The following DMD variants were observed in gnomAD, a reference collection of about 807,000 sequenced individuals.
DMD encodes the protein mutant dystrophin.
A neutral mutation model predicts 330.1 loss-of-function variants in DMD; 63 were observed. That is an observed-to-expected ratio of 0.19 (90% CI 0.16 to 0.24). The LOEUF (loss-of-function observed/expected upper bound fraction) is 0.24, where lower values mean the gene tolerates loss of function less well. Among genes scored for constraint, DMD ranks in the 10% least tolerant of loss-of-function variants. The probability of loss-of-function intolerance (pLI) is 1.00; values close to 1 mark genes in which losing one functional copy is unlikely to be tolerated. For synonymous variants in DMD, 1,223 were observed against 959.8 expected (o/e 1.27, Z -5.07); for missense variants, 3,344 against 2,684.1 (o/e 1.25, Z -5.43).
At chrX:31,305,970 G>A (rs1416711776) in intron 62 of DMD, among the ~76,000 whole-genome samples, 1 of 112,021 alleles carries the variant, frequency 8.9e-6, no homozygotes, top group Non-Finnish European at 1.9e-5. Flanking sequence ...ATATTGTCTG[G>A]CAAAATATTT....
intron 44 of DMD, among the ~76,000 whole-genome samples, chrX:32,199,201 A>G (rs570341580): frequency 1.8e-5 from 2 of 111,959 alleles, no homozygotes; most frequent in East Asian, 5.6e-4. Context: ...GATACCTACT[A>G]TAATTTGAAC....
At chrX:31,928,948 A>G (rs2094817830) in intron 47 of DMD, among the ~76,000 whole-genome samples, 1 of 112,137 alleles carries the variant, frequency 8.9e-6, no homozygotes, top group Admixed American at 9.5e-5. Flanking sequence ...CAAAGATGCC[A>G]TGAAAATACA....
At chrX:32,148,832 G>A (rs1180135616) in intron 44 of DMD, among the ~76,000 whole-genome samples, 1 of 111,453 alleles carries the variant, frequency 9.0e-6, no homozygotes, top group African/African-American at 3.3e-5. Flanking sequence ...CTCTTCAGAA[G>A]TTAATAACTT....
intron 54 of DMD, among the ~76,000 whole-genome samples, chrX:31,650,229 G>A (rs1306730470): frequency 2.4e-5 from 2 of 84,837 alleles, no homozygotes; most frequent in East Asian, 7.0e-4. Context: ...CCAAAGTGCT[G>A]GGATTATGGG....
In DMD at chrX:32,479,692, T is replaced by C. The variant is rs373509717; in HGVS notation, c.2803+5227A>G. 3.0e-3 allele frequency among the ~76,000 whole-genome samples: 332 copies of C among 109,833 alleles called. 2 individuals carry two copies. The highest frequency in any genetic ancestry group is 5.1e-3 in the Non-Finnish European group (271 of 52,645). Reference sequence around the variant, plus strand: ...ACACTGGAATATATTTATCACTATATATATATGTCACTATATATATCAGTA... The same window carrying C: ...ACACTGGAATATATTTATCACTATACATATATGTCACTATATATATCAGTA... On this transcript the variant is annotated intron_variant, in intron 21 of 78. Coordinates refer to ENST00000357033, the MANE Select transcript of DMD (RefSeq NM_004006.3).
chrX:32,385,116 G>A (rs991781165), intron 33 of DMD, among the ~76,000 whole-genome samples: 4 of 110,626 alleles, frequency 3.6e-5, no homozygotes, highest in Admixed American at 2.9e-4. Context: ...TAAGCCAAAA[G>A]AACGAAGCTG....
intron 16 of DMD, among the ~76,000 whole-genome samples, chrX:32,557,294 G>A (rs940347703): frequency 1.1e-4 from 12 of 111,446 alleles, no homozygotes; most frequent in African/African-American, 3.9e-4. Flanking sequence ...CTTTTAAGGG[G>A]TGTGTATTTG....
chrX:32,974,874 T>C (rs1355067394), intron 2 of DMD, among the ~76,000 whole-genome samples: 1 of 112,042 alleles, frequency 8.9e-6, no homozygotes, highest in African/African-American at 3.2e-5. Context: ...TTCCTCCTAA[T>C]TTTAAGTTTA....
exon 1 of DMD, chrX:33,339,260 T>G: frequency 3.9e-6 from 4 of 1,027,403 alleles, no homozygotes; most frequent in South Asian, 3.7e-5. Flanking sequence ...TAATCCTACC[T>G]TCCATGCCAG....
At chrX:31,862,701 T>G (rs1348439594) in intron 48 of DMD, among the ~76,000 whole-genome samples, 1 of 112,372 alleles carries the variant, frequency 8.9e-6, no homozygotes, top group Non-Finnish European at 1.9e-5. Context: ...TTCTATTTTA[T>G]TTTACCCATT....
intron 54 of DMD, among the ~76,000 whole-genome samples, chrX:31,649,766 C>T (rs1284051267): frequency 1.8e-5 from 2 of 110,309 alleles, no homozygotes; most frequent in Non-Finnish European, 3.8e-5. Context: ...TCCTGAAGAG[C>T]CGAAAGACAC....
intron 27 of DMD, among the ~76,000 whole-genome samples, chrX:32,446,648 A>C: frequency 9.0e-6 from 1 of 110,578 alleles, no homozygotes; most frequent in Middle Eastern, 4.6e-3. Context: ...TGAAATAGTT[A>C]AAACAACAGC....
intron 29 of DMD, among the ~76,000 whole-genome samples, chrX:32,427,431 G>T (rs1010798167): frequency 9.0e-6 from 1 of 111,067 alleles, no homozygotes. Context: ...TTTATTTAAA[G>T]CCATGACACT....
At chrX:31,429,333 C>T (rs773571982) in intron 60 of DMD, among the ~76,000 whole-genome samples, 1 of 111,495 alleles carries the variant, frequency 9.0e-6, no homozygotes, top group South Asian at 3.8e-4. Flanking sequence ...CATGTGTTTG[C>T]AGTCAGATAG....
rs1356188869 is a variant in DMD at position 31,120,238 on chromosome X, CTCTTGAGCTTTTCT to C, written c.*1667_*1680del. 8.9e-6 allele frequency: 1 copy of C among 111,920 alleles called. No homozygotes were observed. Among genetic ancestry groups the C allele is most frequent in the African/African-American group, 3.3e-5 (1 of 30,759 alleles). The allele number at this position is 111,920 out of a possible 1,213,427, so 9.2% of individuals were successfully genotyped here. ...TTTTCCTACCAGTCCTTAGCTTTTC[CTCTTGAGCTTTTCT>C]CCTCTTTTTTGAGCAATTTTTGTTT... On this transcript the variant is annotated 3_prime_UTR_variant, in exon 79 of 79. Coordinates refer to ENST00000357033, the MANE Select transcript of DMD (RefSeq NM_004006.3).
chrX:32,310,873 T>C (rs1308046839), intron 41 of DMD, among the ~76,000 whole-genome samples: 1 of 110,953 alleles, frequency 9.0e-6, no homozygotes, highest in Non-Finnish European at 1.9e-5. Flanking sequence ...GAAGCTGCTA[T>C]ATGAGCAGAA....
intron 2 of DMD, among the ~76,000 whole-genome samples, chrX:32,882,178 G>T (rs866655673): frequency 3.3e-4 from 37 of 111,929 alleles, no homozygotes; most frequent in African/African-American, 1.1e-3. Context: ...ATCCCAGAGA[G>T]GGTAGCACCA....
intron 2 of DMD, among the ~76,000 whole-genome samples, chrX:32,870,417 A>G (rs1439818990): frequency 8.9e-6 from 1 of 112,074 alleles, no homozygotes; most frequent in Non-Finnish European, 1.9e-5. Flanking sequence ...ACAGAATTAG[A>G]AAAAAAGAAA....
chrX:33,219,072 C>G (rs776504841), intron 1 of DMD, among the ~76,000 whole-genome samples: 1 of 111,850 alleles, frequency 8.9e-6, no homozygotes, highest in Non-Finnish European at 1.9e-5. Context: ...ATTCTGTCAT[C>G]TTTGTCATGT....
Sources: gnomAD v4.1 joint callset for allele counts (sites outside exome capture counted in the v4.1 genomes callset) on GRCh38, gnomAD v4.1.1 for gene constraint, MANE v1.5 for transcripts, NCBI Gene and HGNC (gene_info 2026-07-23, HGNC 2026-07-21) for gene names.